Variants in TTC7A observed in about 807,000 individuals in gnomAD.
TTC7A encodes tetratricopeptide repeat domain 7A, also known as tetratricopeptide repeat protein 7A.
TTC7A carries 110 observed loss-of-function variants against 103.7 expected under a neutral mutation model. The ratio of observed to expected loss-of-function variants is 1.06; its 90% CI spans 0.91 to 1.24. TTC7A has a LOEUF of 1.24. TTC7A is among the 50% of genes most tolerant of loss of function. The probability of loss-of-function intolerance (pLI) is 0.00; values close to 1 mark genes in which losing one functional copy is unlikely to be tolerated. For synonymous variants in TTC7A, 521 were observed against 467.9 expected (o/e 1.11, Z -1.47); for missense variants, 1,340 against 1,116.3 (o/e 1.20, Z -2.86).
intron 4 of TTC7A, among the ~76,000 whole-genome samples, chr2:46,977,431 A>T (rs1317986505): frequency 6.6e-6 from 1 of 152,234 alleles, no homozygotes; most frequent in Non-Finnish European, 1.5e-5. Flanking sequence ...AATGGTATAC[A>T]GAAGGCAAGC....
intron 8 of TTC7A, chr2:46,999,349 TATCATTCATCCATCCACCC>T (rs1463294855): frequency 4.0e-5 from 9 of 227,230 alleles, no homozygotes; most frequent in Non-Finnish European, 5.8e-5. Context: ...TTCATCCACC[TATCATTCATCCATCCACCC>T]ATCATTCCAT....
intron 2 of TTC7A, among the ~76,000 whole-genome samples, chr2:46,926,091 C>T (rs1453728427): frequency 6.6e-6 from 1 of 152,206 alleles, no homozygotes; most frequent in Non-Finnish European, 1.5e-5. Flanking sequence ...GCTTCCCACC[C>T]TGCCCCCTCA....
chr2:46,969,706 TG>T (rs1673186660), intron 3 of TTC7A, among the ~76,000 whole-genome samples: 1 of 152,126 alleles, frequency 6.6e-6, no homozygotes, highest in Non-Finnish European at 1.5e-5. Context: ...CCAGCGTGCC[TG>T]GCCCAGGAAA....
At chr2:47,046,472 T>TTGCCAGGGCAACAATCCACAGCTGGG in intron 16 of TTC7A, 41 bp downstream of exon 16, 1 of 1,540,240 alleles carries the variant, frequency 6.5e-7, no homozygotes. Flanking sequence ...CAGAGGGTGG[T>TTGCCAGGGCAACAATCCACAGCTGGG]TGCCAGGGCA....
intron 18 of TTC7A, among the ~76,000 whole-genome samples, chr2:47,059,741 G>A (rs748943350): frequency 3.9e-5 from 6 of 152,144 alleles, no homozygotes; most frequent in Admixed American, 2.0e-4. Flanking sequence ...ACATCCCCAC[G>A]CGAGGTTCTG....
intron 1 of TTC7A, among the ~76,000 whole-genome samples, chr2:46,945,615 T>C (rs1670868715): frequency 6.6e-6 from 1 of 152,210 alleles, no homozygotes; most frequent in Admixed American, 6.5e-5. Flanking sequence ...GATTTTGAAC[T>C]CCTAGACTCA....
intron 18 of TTC7A, among the ~76,000 whole-genome samples, chr2:47,057,068 C>T (rs1471613784): frequency 2.0e-5 from 3 of 152,338 alleles, no homozygotes; most frequent in Non-Finnish European, 4.4e-5. Context: ...TGGGTGGATG[C>T]GGCGCCCCAG....
In TTC7A at chr2:46,951,063, G is replaced by A. The variant is rs114255207; in HGVS notation, c.348+537G>A. On this transcript the variant is annotated intron_variant, in intron 2 of 19. Transcript: ENST00000319190. ...AAAACCTCAGTGAACCTGTGACCTA[G>A]TTAGAAACAGGCAAACATGCAGAGT... Among the ~76,000 whole-genome samples, 979 of 152,324 alleles carry A rather than the reference G, an allele frequency of 6.4e-3. 8 individuals carry two copies. The highest frequency in any genetic ancestry group is 0.022 in the African/African-American group (926 of 41,580).
At chr2:46,997,788 C>G (rs17481321) in intron 8 of TTC7A, among the ~76,000 whole-genome samples, 1 of 152,014 alleles carries the variant, frequency 6.6e-6, no homozygotes, top group Non-Finnish European at 1.5e-5. Flanking sequence ...TAATTTTTCT[C>G]CTGGTAGGAG....
chr2:47,025,383 C>T (rs1271245669), intron 14 of TTC7A, among the ~76,000 whole-genome samples: 1 of 152,192 alleles, frequency 6.6e-6, no homozygotes, highest in African/African-American at 2.4e-5. Context: ...TACCCCGCTC[C>T]CCTGACCCTT....
intron 1 of TTC7A, among the ~76,000 whole-genome samples, chr2:46,946,507 T>C (rs1018607419): frequency 1.3e-5 from 2 of 152,206 alleles, no homozygotes; most frequent in African/African-American, 4.8e-5. Context: ...CCCTACAGCG[T>C]TGAACTCTTG....
chr2:46,943,685 C>G (rs980749736), intron 1 of TTC7A, among the ~76,000 whole-genome samples: 2 of 152,164 alleles, frequency 1.3e-5, no homozygotes, highest in South Asian at 2.1e-4. Flanking sequence ...GGATTGAGAG[C>G]TTGTTCTTTT....
At chr2:47,036,740 C>A (rs991083664) in intron 15 of TTC7A, among the ~76,000 whole-genome samples, 1 of 152,188 alleles carries the variant, frequency 6.6e-6, no homozygotes, top group Non-Finnish European at 1.5e-5. Context: ...CACCTGTAGT[C>A]CCAACGACTT....
At chr2:46,934,642 A>G (rs1161727327) in intron 2 of TTC7A, among the ~76,000 whole-genome samples, 1 of 151,998 alleles carries the variant, frequency 6.6e-6, no homozygotes, top group African/African-American at 2.4e-5. Flanking sequence ...CCCTCCCCTC[A>G]TAGGTTGCAG....
chr2:47,012,848 C>T (rs1375498395), intron 11 of TTC7A, among the ~76,000 whole-genome samples: 1 of 152,178 alleles, frequency 6.6e-6, no homozygotes, highest in Non-Finnish European at 1.5e-5. Flanking sequence ...GTCTGAAGTG[C>T]CCCATCCCCT....
At position 46,976,019 on chromosome 2, in the gene TTC7A, G is replaced by A. The variant is rs143924557; in HGVS notation, c.648+916G>A. Among the ~76,000 whole-genome samples, 995 of 152,272 alleles carry A rather than the reference G, an allele frequency of 6.5e-3. 8 individuals are homozygous for A. The highest frequency in any genetic ancestry group is 0.023 in the African/African-American group (954 of 41,550). On this transcript the variant is annotated intron_variant, in intron 4 of 19. Transcript: ENST00000319190. The stretch of plus-strand genomic sequence containing the variant: ...CCCAAAGTGCTGGGATTACAGGCCC[G>A]TGCCCAGCCTCCATTTTATTCTTTT...
intron 18 of TTC7A, among the ~76,000 whole-genome samples, chr2:47,056,500 C>A (rs1056695969): frequency 6.6e-6 from 1 of 152,234 alleles, no homozygotes; most frequent in Non-Finnish European, 1.5e-5. Flanking sequence ...GCGGGCAAGG[C>A]CCTCCCTGCA....
At chr2:46,951,092 C>T (rs1671366739) in intron 2 of TTC7A, among the ~76,000 whole-genome samples, 1 of 152,108 alleles carries the variant, frequency 6.6e-6, no homozygotes, top group Non-Finnish European at 1.5e-5. Context: ...GCAGAGTTGG[C>T]TAGGGACAGA....
intron 8 of TTC7A, among the ~76,000 whole-genome samples, chr2:47,001,733 C>A (rs1318140574): frequency 6.6e-6 from 1 of 151,984 alleles, no homozygotes; most frequent in Non-Finnish European, 1.5e-5. Context: ...GTGGTGGGTG[C>A]CTGTAATCCC....
Sources: allele counts gnomAD v4.1 joint callset (sites outside exome capture counted in the v4.1 genomes callset), GRCh38; gene constraint gnomAD v4.1.1; transcripts MANE v1.5; gene names NCBI Gene and HGNC (gene_info 2026-07-23, HGNC 2026-07-21).